The following SHOX variants were observed in gnomAD, a reference collection of about 807,000 sequenced individuals.
SHOX encodes SHOX homeobox.
Under a neutral mutation model 29.6 loss-of-function variants are expected in SHOX, and 12 were observed. That is an observed-to-expected ratio of 0.41 (90% CI 0.26 to 0.66). SHOX has a LOEUF of 0.66. SHOX is among the 30% of genes least tolerant of loss of function. SHOX has a pLI of 0.35. For synonymous variants in SHOX, 214 were observed against 200.6 expected (o/e 1.07, Z -0.57); for missense variants, 499 against 437.7 (o/e 1.14, Z -1.25).
rs2053039956 is a variant in SHOX at position 650,642 on chromosome X, C to T, written c.*6006C>T. ...CAGAAGCCTCCAGCTCCCTTTAGCT[C>T]CACAGTTTTCCCGGGGACATAGCGA... On this transcript the variant is annotated 3_prime_UTR_variant, in exon 5 of 5. Coordinates refer to ENST00000686671, the MANE Select transcript of SHOX (RefSeq NM_000451.4). Among the ~76,000 whole-genome samples the T allele has an allele frequency of 6.6e-6, 1 of 151,534 alleles. No homozygotes were observed. Among genetic ancestry groups the T allele is most frequent in the South Asian group, 2.1e-4 (1 of 4,760 alleles).
chrX:628,015 C>T (rs1352883759), upstream of SHOX, among the ~76,000 whole-genome samples: 1 of 152,016 alleles, frequency 6.6e-6, no homozygotes, highest in Admixed American at 6.6e-5. Context: ...GAAAGTTGCT[C>T]TAAGCCAGAG....
At chrX:655,496 G>A (rs2053124596), downstream of SHOX, among the ~76,000 whole-genome samples, 1 of 151,002 alleles carries the variant, frequency 6.6e-6, no homozygotes, top group Non-Finnish European at 1.5e-5. Flanking sequence ...TCCCAGTACT[G>A]TGGGAGGCTG....
Position 649,848 on chromosome X carries a change from A to G in SHOX, c.*5212A>G. 1 of 453,826 alleles carries G rather than the reference A, an allele frequency of 2.2e-6. No individual in the cohort carries two copies. Among genetic ancestry groups the G allele is most frequent in the Non-Finnish European group, 4.4e-6 (1 of 225,678 alleles). The allele number at this position is 453,826 out of a possible 1,614,324, so 28.1% of individuals were successfully genotyped here. On this transcript the variant is annotated 3_prime_UTR_variant, in exon 5 of 5. Transcript: ENST00000686671. Reference sequence around the variant, plus strand: ...GGGTTGTCAGTCGCCGCAGTTGAGCAAAAAACACTTCTTCCTTTGAGTGGC... The same window carrying G: ...GGGTTGTCAGTCGCCGCAGTTGAGCGAAAAACACTTCTTCCTTTGAGTGGC...
chrX:641,687 C>CAAA (rs35181650), intron 4 of SHOX, among the ~76,000 whole-genome samples: 1 of 123,672 alleles, frequency 8.1e-6, no homozygotes. Context: ...GACTCCATCT[C>CAAA]AAAAAAAAAA....
At position 648,794 on chromosome X, in the gene SHOX, T is replaced by C. The variant is rs1470309116; in HGVS notation, c.*4158T>C. Reference sequence around the variant, plus strand: ...TGTGGGGTACGTGTATGCTAGCTGCTTCTTTCTCCCTGAAACTCTCGGATG... The same window carrying C: ...TGTGGGGTACGTGTATGCTAGCTGCCTCTTTCTCCCTGAAACTCTCGGATG... On this transcript the variant is annotated 3_prime_UTR_variant, in exon 5 of 5. Coordinates refer to ENST00000686671, the MANE Select transcript of SHOX (RefSeq NM_000451.4). Among the ~76,000 whole-genome samples the C allele has an allele frequency of 6.6e-6, 1 of 152,036 alleles. No homozygotes were observed. Among genetic ancestry groups the C allele is most frequent in the African/African-American group, 2.4e-5 (1 of 41,396 alleles).
downstream of SHOX, among the ~76,000 whole-genome samples, chrX:656,211 G>A (rs1041924572): frequency 6.6e-6 from 1 of 152,138 alleles, no homozygotes; most frequent in African/African-American, 2.4e-5. Context: ...CTGGGAGGCT[G>A]GGGCAGAATG....
At chrX:657,031 CT>C (rs2053158274) in intron 5 of SHOX, among the ~76,000 whole-genome samples, 1 of 97,240 alleles carries the variant, frequency 1.0e-5, no homozygotes, top group South Asian at 4.0e-4. Flanking sequence ...GCTGCCCAAG[CT>C]GTGTTTGCAC....
At chrX:642,311 C>G (rs902329480) in intron 4 of SHOX, among the ~76,000 whole-genome samples, 1 of 151,094 alleles carries the variant, frequency 6.6e-6, no homozygotes, top group African/African-American at 2.4e-5. Flanking sequence ...GGGGGGGGGG[C>G]TCTGGCAGGG....
rs17148914 is a variant in SHOX, at chrX:650,665, C to T, written c.*6029C>T. 0.056 allele frequency among the ~76,000 whole-genome samples: 8,410 copies of T among 151,374 alleles called. 288 individuals are homozygous for T. The highest frequency in any genetic ancestry group is 0.14 in the East Asian group (701 of 5,074). On this transcript the variant is annotated 3_prime_UTR_variant, in exon 5 of 5. Transcript: ENST00000686671. The stretch of plus-strand genomic sequence containing the variant: ...CTCCACAGTTTTCCCGGGGACATAG[C>T]GAGGATGGCACACGGCAGCCACTCC...
At chrX:654,951 G>C (rs763118799), downstream of SHOX, among the ~76,000 whole-genome samples, 835 of 152,124 alleles carry the variant, frequency 5.5e-3, 5 homozygotes, top group African/African-American at 0.018. Flanking sequence ...GCCTCCCAAA[G>C]TGCTGGGATG....
upstream of SHOX, among the ~76,000 whole-genome samples, chrX:627,398 C>G (rs1187862220): frequency 6.6e-6 from 1 of 152,084 alleles, no homozygotes; most frequent in Non-Finnish European, 1.5e-5. Flanking sequence ...CGTAAAAGCT[C>G]TGGTCAGAGA....
At chrX:627,681 C>T (rs1188118062), upstream of SHOX, among the ~76,000 whole-genome samples, 2 of 152,188 alleles carry the variant, frequency 1.3e-5, no homozygotes, top group Non-Finnish European at 2.9e-5. Flanking sequence ...CACACAGCTC[C>T]TGACTGGTGT....
Position 634,842 on chromosome X carries a change from C to CG in SHOX, c.486+21dup. The CG allele has an allele frequency of 6.9e-7, 1 of 1,458,250 alleles. No homozygotes were observed. Among genetic ancestry groups the CG allele is most frequent in the Non-Finnish European group, 9.4e-7 (1 of 1,067,496 alleles). 90.3% of individuals were successfully genotyped at this position (1,458,250 alleles called of 1,614,324 possible). The stretch of plus-strand genomic sequence containing the variant: ...GCGCGTGCAGGTAGGAACCCGGGGG[C>CG]GGGGGCGGGGGGCCCGGAGCCATCG... On this transcript the variant is annotated intron_variant, in intron 2 of 4. Transcript: ENST00000686671.
chrX:645,388 G>GTTTTTTTTTTTTTTTTTTTTTTTTGTTTT lies in SHOX; in HGVS notation c.*753_*754insTTTTTTTTTTTTTTTTTTTTTTTGTTTTT, dbSNP rs1398738646. 1 of 77,748 alleles carries GTTTTTTTTTTTTTTTTTTTTTTTTGTTTT rather than the reference G, an allele frequency of 1.3e-5. No individual in the cohort carries two copies. Among genetic ancestry groups the GTTTTTTTTTTTTTTTTTTTTTTTTGTTTT allele is most frequent in the African/African-American group, 4.1e-5 (1 of 24,340 alleles). 4.8% of individuals were successfully genotyped at this position (77,748 alleles called of 1,614,324 possible). ...TTGGGTCTGGTTTTGTTTTGGATTGGTATTTTTTTTTTTTTTTTTTTTTTT... is the reference window on the plus strand; with the variant it reads ...TTGGGTCTGGTTTTGTTTTGGATTGGTTTTTTTTTTTTTTTTTTTTTTTTGTTTTTATTTTTTTTTTTTTTTTTTTTTTT... On this transcript the variant is annotated 3_prime_UTR_variant, in exon 5 of 5. Coordinates refer to ENST00000686671, the MANE Select transcript of SHOX (RefSeq NM_000451.4).
Position 658,985 on chromosome X carries a change from G to A in SHOX, c.*156G>A, listed in dbSNP as rs939747972. ...TGACCATGTTGGCCAGGCTGGTCTC[G>A]AACTCCTGACCTCAGGTGATCCACC... On this transcript the variant is annotated 3_prime_UTR_variant, in exon 6 of 6. Transcript: ENST00000334060. 222 of 170,392 alleles carry A rather than the reference G, an allele frequency of 1.3e-3. 2 individuals carry two copies. Among genetic ancestry groups the A allele is most frequent in the Non-Finnish European group, 2.0e-3 (162 of 79,030 alleles). The allele number at this position is 170,392 out of a possible 1,614,324, so 10.6% of individuals were successfully genotyped here.
chrX:631,292 G>A (rs2052644383), intron 1 of SHOX, 118 bp downstream of exon 1: 1 of 1,304,802 alleles, frequency 7.7e-7, no homozygotes, highest in Non-Finnish European at 1.1e-6. Context: ...GTCTCGCCAG[G>A]GTAAGGCCCG....
intron 1 of SHOX, among the ~76,000 whole-genome samples, chrX:633,423 G>A (rs754607114): frequency 1.5e-3 from 213 of 146,708 alleles, no homozygotes; most frequent in African/African-American, 4.8e-3. Flanking sequence ...CTGATAGGAG[G>A]TGAAACAGAA....
upstream of SHOX, among the ~76,000 whole-genome samples, chrX:629,884 C>A (rs1383414684): frequency 6.6e-6 from 1 of 152,160 alleles, no homozygotes; most frequent in East Asian, 1.9e-4. Context: ...TAGCGAGAGG[C>A]GGGAGGGAGC....
In SHOX at chrX:644,411, G is replaced by C; in HGVS notation, c.654G>C (p.Leu218=). The change falls in exon 5 of 5, where the codon CTG becomes CTC. Residue 218 remains leucine, a synonymous_variant. Transcript: ENST00000686671. Reference sequence around the variant, plus strand: ...CGCAGGTCCAGGCTCAGCTGCAGCTGGAAGGCGTGGCCCACGCGCACCCGC... The same window carrying C: ...CGCAGGTCCAGGCTCAGCTGCAGCTCGAAGGCGTGGCCCACGCGCACCCGC... ...PFQQVQAQLQ[L]EGVAHAHPHL... The C allele has an allele frequency of 6.6e-7, 1 of 1,522,330 alleles. No individual in the cohort carries two copies. Among genetic ancestry groups the C allele is most frequent in the South Asian group, 1.2e-5 (1 of 82,290 alleles). 94.3% of individuals were successfully genotyped at this position (1,522,330 alleles called of 1,614,324 possible). A position where few individuals can be genotyped will look rare whatever the true frequency, so the allele number is the denominator to read the frequency against.
Sources: gnomAD v4.1 joint callset for allele counts (sites outside exome capture counted in the v4.1 genomes callset) on GRCh38, gnomAD v4.1.1 for gene constraint, MANE v1.5 for transcripts, NCBI Gene and HGNC (gene_info 2026-07-23, HGNC 2026-07-21) for gene names.